Variants in ZMYND11 observed in about 807,000 individuals in gnomAD.
The protein encoded by ZMYND11 is zinc finger MYND domain-containing protein 11.
In ZMYND11, 9 loss-of-function variants were observed where a neutral mutation model predicts 84.9. That is an observed-to-expected ratio of 0.11 (90% CI 0.06 to 0.18). The LOEUF is 0.18. ZMYND11 is among the 10% of genes least tolerant of loss of function. ZMYND11 has a pLI of 1.00. For synonymous variants in ZMYND11, 250 were observed against 244.1 expected (o/e 1.02, Z -0.23); for missense variants, 409 against 761.0 (o/e 0.54, Z 5.44).
intron 1 of ZMYND11, among the ~76,000 whole-genome samples, chr10:157,269 G>A (rs1364842416): frequency 1.3e-5 from 2 of 152,000 alleles, no homozygotes; most frequent in Non-Finnish European, 2.9e-5. Context: ...GTGCAATCTC[G>A]GCTCACTGCA....
At chr10:134,306 C>CT (rs58566855), upstream of ZMYND11, among the ~76,000 whole-genome samples, 6,331 of 152,264 alleles carry the variant, frequency 0.042, 409 homozygotes, top group African/African-American at 0.14. Flanking sequence ...GCAGAGGACT[C>CT]TGACTGACAG....
chr10:135,577 G>A lies in ZMYND11; in HGVS notation c.-20+18G>A, dbSNP rs1835762053. On this transcript the variant is annotated intron_variant, in intron 1 of 14. Transcript: ENST00000381604. This position sits in a 1 kb window ranked among gnomAD's most constrained non-coding sequence, Gnocchi z 5.6. Reference sequence around the variant, plus strand: ...GCATAATGGTGGGGAAAGCTCGGCGGCGGGGCGGCGGGGCGGGCGGGGGCG... The same window carrying A: ...GCATAATGGTGGGGAAAGCTCGGCGACGGGGCGGCGGGGCGGGCGGGGGCG... 1 of 149,904 alleles carries A rather than the reference G, an allele frequency of 6.7e-6. No individual in the cohort carries two copies. The highest frequency in any genetic ancestry group is 2.4e-5 in the African/African-American group (1 of 40,914). 9.3% of individuals were successfully genotyped at this position (149,904 alleles called of 1,614,324 possible). A position where few individuals can be genotyped will look rare whatever the true frequency, so the allele number is the denominator to read the frequency against.
At chr10:200,415 TATA>T (rs1015949466) in intron 2 of ZMYND11, among the ~76,000 whole-genome samples, 2 of 147,324 alleles carry the variant, frequency 1.4e-5, no homozygotes, top group Non-Finnish European at 3.0e-5. Flanking sequence ...ACCCTATATA[TATA>T]ATAATATATG....
At chr10:249,961 A>C (rs1953023412) in intron 14 of ZMYND11, among the ~76,000 whole-genome samples, 1 of 152,208 alleles carries the variant, frequency 6.6e-6, no homozygotes, top group Non-Finnish European at 1.5e-5. Context: ...AATATTGTTA[A>C]CAAAAGACCA....
At chr10:170,455 T>TGTGTGC (rs1554765358) in intron 1 of ZMYND11, among the ~76,000 whole-genome samples, 2 of 129,382 alleles carry the variant, frequency 1.5e-5, no homozygotes, top group Non-Finnish European at 3.3e-5. Flanking sequence ...TGTGTGTGTG[T>TGTGTGC]GCGTGCTTAT....
chr10:241,467 C>G (rs746282003), intron 9 of ZMYND11, among the ~76,000 whole-genome samples: 2 of 152,172 alleles, frequency 1.3e-5, no homozygotes, highest in African/African-American at 4.8e-5. Flanking sequence ...CATGAGCCAC[C>G]ACACCCAGCG....
intron 4 of ZMYND11, among the ~76,000 whole-genome samples, chr10:222,274 C>T (rs1422718597): frequency 1.3e-5 from 2 of 152,146 alleles, no homozygotes; most frequent in Non-Finnish European, 2.9e-5. Flanking sequence ...CTGTTAGCAT[C>T]ATAAGCAAAC....
intron 3 of ZMYND11, among the ~76,000 whole-genome samples, chr10:217,876 G>T (rs1946462741): frequency 6.6e-6 from 1 of 152,186 alleles, no homozygotes; most frequent in Admixed American, 6.5e-5. Context: ...AATCAATCGA[G>T]CTCCAGAGTC....
intron 1 of ZMYND11, among the ~76,000 whole-genome samples, chr10:164,669 G>A (rs1268762127): frequency 1.3e-5 from 2 of 152,192 alleles, no homozygotes; most frequent in East Asian, 3.8e-4. Flanking sequence ...TAATTTCAGT[G>A]TGGTGGGGAA....
At chr10:155,963 G>C (rs1161377751) in intron 1 of ZMYND11, among the ~76,000 whole-genome samples, 4 of 152,188 alleles carry the variant, frequency 2.6e-5, no homozygotes, top group Non-Finnish European at 5.9e-5. Flanking sequence ...CAAACCTTGA[G>C]GGAGGAGATA....
Position 165,414 on chromosome 10 carries a change from T to A in ZMYND11, c.-19-14580T>A, listed in dbSNP as rs1452376149. On this transcript the variant is annotated intron_variant, in intron 1 of 14. Coordinates refer to ENST00000381604, the MANE Select transcript of ZMYND11 (RefSeq NM_001370100.5). ...TATGGTTTCAGTTACCATGCTTAGG[T>A]GCCTCACAAATCTTCAGCATATATC... 4.6e-5 allele frequency among the ~76,000 whole-genome samples: 7 copies of A among 152,100 alleles called. No homozygotes were observed. The South Asian group carries it at 1.2e-3, about 27-fold the overall frequency.
intron 1 of ZMYND11, among the ~76,000 whole-genome samples, chr10:142,008 C>G (rs1337982955): frequency 6.6e-6 from 1 of 152,168 alleles, no homozygotes; most frequent in Non-Finnish European, 1.5e-5. Context: ...TTTAATTTGG[C>G]TGTACACATT....
chr10:241,890 G>A lies in ZMYND11; in HGVS notation c.832-131G>A, dbSNP rs376489367. 107 of 1,132,778 alleles carry A rather than the reference G, an allele frequency of 9.4e-5. 1 individual carries two copies. Among genetic ancestry groups the A allele is most frequent in the Admixed American group, 3.8e-4 (16 of 42,588 alleles). The allele number at this position is 1,132,778 out of a possible 1,614,324, so 70.2% of individuals were successfully genotyped here. ...CAGTCAATCCCAGAAAAAAAATCTC[G>A]TATGTGTTTAGGAGTTATGAAAGAA... is the stretch of plus-strand genomic sequence containing the variant. On this transcript the variant is annotated intron_variant, in intron 9 of 14. Transcript: ENST00000381604.
intron 1 of ZMYND11, among the ~76,000 whole-genome samples, chr10:170,246 TAATA>T (rs1844973781): frequency 1.3e-5 from 2 of 152,128 alleles, no homozygotes; most frequent in Non-Finnish European, 1.5e-5. Context: ...TTTTGCCTTG[TAATA>T]AATGTTAAAA....
chr10:199,300 TCCCTCTCTTCCTC>T (rs1942541757), intron 2 of ZMYND11, among the ~76,000 whole-genome samples: 2 of 19,918 alleles, frequency 1.0e-4, no homozygotes, highest in Non-Finnish European at 2.2e-4. Flanking sequence ...CCTCACTCCC[TCCCTCTCTTCCTC>T]CCTCCCTCCC....
intron 1 of ZMYND11, among the ~76,000 whole-genome samples, chr10:166,385 C>G (rs1299777835): frequency 2.0e-5 from 3 of 151,892 alleles, no homozygotes; most frequent in Non-Finnish European, 4.4e-5. Flanking sequence ...TAAAGAACAC[C>G]TACAACTCAA....
chr10:195,939 A>G (rs1053013806), intron 2 of ZMYND11, among the ~76,000 whole-genome samples: 1 of 152,242 alleles, frequency 6.6e-6, no homozygotes, highest in African/African-American at 2.4e-5. Flanking sequence ...TTTGTTGGGG[A>G]AAATAGATGA....
intron 1 of ZMYND11, among the ~76,000 whole-genome samples, chr10:154,198 C>G (rs1484851411): frequency 6.6e-6 from 1 of 152,164 alleles, no homozygotes; most frequent in African/African-American, 2.4e-5. Flanking sequence ...CTTCATTTTT[C>G]TGGATATATC....
chr10:166,845 A>G (rs1243177492), intron 1 of ZMYND11, among the ~76,000 whole-genome samples: 1 of 152,126 alleles, frequency 6.6e-6, no homozygotes, highest in Non-Finnish European at 1.5e-5. Flanking sequence ...GAAACTACCC[A>G]AGTGTCCATC....
Sources: gnomAD v4.1 joint callset for allele counts (sites outside exome capture counted in the v4.1 genomes callset) on GRCh38, gnomAD v4.1.1 for gene constraint, Gnocchi (gnomAD v3.1) non-coding constraint, MANE v1.5 for transcripts, NCBI Gene and HGNC (gene_info 2026-07-23, HGNC 2026-07-21) for gene names.